The following BAX variants were observed in gnomAD, a reference collection of about 807,000 sequenced individuals.
BAX encodes the protein BCL2 associated X, apoptosis regulator, also known as apoptosis regulator BAX.
Under a neutral mutation model 26.8 loss-of-function variants are expected in BAX, and 21 were observed. That is an observed-to-expected ratio of 0.78 (90% CI 0.56 to 1.13). The LOEUF is 1.13. BAX is among the 50% of genes most tolerant of loss of function. BAX has a pLI of 0.00. For synonymous variants in BAX, 110 were observed against 101.8 expected (o/e 1.08, Z -0.49); for missense variants, 236 against 254.6 (o/e 0.93, Z 0.50).
In BAX at chr19:48,955,422, C is replaced by T. The variant is rs552422912; in HGVS notation, c.35-126C>T. The T allele has an allele frequency of 2.1e-4, 227 of 1,096,398 alleles. No homozygotes were observed. The African/African-American group carries it at 3.2e-3, about 15-fold the overall frequency. The allele number at this position is 1,096,398 out of a possible 1,614,324, so 67.9% of individuals were successfully genotyped here. On this transcript the variant is annotated intron_variant, in intron 1 of 5. Coordinates refer to ENST00000345358, the MANE Select transcript of BAX (RefSeq NM_138761.4). ...TGTCTGGGCCCCCCCGTCACTTTAT[C>T]TGCTAGGGTCCCAGAAGTCCAGGGT...
intron 4 of BAX, among the ~76,000 whole-genome samples, chr19:48,957,523 C>T (rs1985882): frequency 0.01 from 1,558 of 151,968 alleles, 24 homozygotes; most frequent in African/African-American, 0.035. Flanking sequence ...GATCCGCCCA[C>T]CTTGGCCTCC....
chr19:48,958,492 C>T (rs560044625), intron 4 of BAX, among the ~76,000 whole-genome samples: 1 of 150,626 alleles, frequency 6.6e-6, no homozygotes, highest in Non-Finnish European at 1.5e-5. Context: ...GCTGGGATTA[C>T]AGGCTCTCCC....
In BAX at chr19:48,954,915, CG is replaced by C; in HGVS notation, c.-11del. 2 of 1,226,354 alleles carry C rather than the reference CG, an allele frequency of 1.6e-6. No individual in the cohort carries two copies. The highest frequency in any genetic ancestry group is 3.2e-5 in the East Asian group (1 of 31,308). The allele number at this position is 1,226,354 out of a possible 1,614,324, so 76.0% of individuals were successfully genotyped here. ...GCGCGGACCCGGCGAGAGGCGGCGG[CG>C]GGAGCGGCGGTGATGGACGGGTCCG... On this transcript the variant is annotated 5_prime_UTR_variant, in exon 1 of 6. Coordinates refer to ENST00000345358, the MANE Select transcript of BAX (RefSeq NM_138761.4).
chr19:48,957,821 G>A (rs994771837), intron 4 of BAX, among the ~76,000 whole-genome samples: 1 of 152,160 alleles, frequency 6.6e-6, no homozygotes, highest in African/African-American at 2.4e-5. Flanking sequence ...GTCATAAGTT[G>A]GGGACTGTCT....
At chr19:48,960,005 T>A (rs867895259) in intron 4 of BAX, among the ~76,000 whole-genome samples, 51 of 24,136 alleles carry the variant, frequency 2.1e-3, no homozygotes, top group South Asian at 3.4e-3. Context: ...AAAAAAAAAA[T>A]GGAAGCAGCT....
intron 1 of BAX, 70 bp downstream of exon 1, chr19:48,955,032 C>A: frequency 8.1e-7 from 1 of 1,238,758 alleles, no homozygotes; most frequent in Admixed American, 3.8e-5. Context: ...TCCTTCCTAC[C>A]GGCCTGGGGC....
intron 4 of BAX, chr19:48,960,476 G>A (rs2038313535): frequency 2.9e-6 from 1 of 343,424 alleles, no homozygotes. Flanking sequence ...CAATTCTCCT[G>A]CCTCAGACTC....
chr19:48,960,946 A>G, intron 5 of BAX, 32 bp downstream of exon 5: 1 of 1,612,496 alleles, frequency 6.2e-7, no homozygotes, highest in Non-Finnish European at 8.5e-7. Flanking sequence ...CACCCCCACC[A>G]CCGCGCCCTC....
intron 4 of BAX, among the ~76,000 whole-genome samples, chr19:48,957,925 C>G (rs1406018499): frequency 6.6e-6 from 1 of 152,040 alleles, no homozygotes; most frequent in Admixed American, 6.6e-5. Flanking sequence ...TATGAAGATT[C>G]TCATAAGAAA....
In BAX at chr19:48,960,809, G is replaced by A. The variant is rs200010531; in HGVS notation, c.370-1G>A. The A allele has an allele frequency of 6.2e-7, 1 of 1,608,902 alleles. No individual in the cohort carries two copies. The highest frequency in any genetic ancestry group is 2.2e-5 in the East Asian group (1 of 44,736). On this transcript the variant is annotated splice_acceptor_variant, in intron 4 of 5. Coordinates refer to ENST00000345358, the MANE Select transcript of BAX (RefSeq NM_138761.4). LOFTEE classifies it high-confidence loss of function. ...CCTAACGCCCACTCCACTCCCCACA[G>A]GCCCTGTGCACCAAGGTGCCGGAAC...
At position 48,961,590 on chromosome 19, in the gene BAX, C is replaced by T. The variant is rs1600115771; in HGVS notation, c.533C>T (p.Ala178Val). The T allele has an allele frequency of 6.2e-7, 1 of 1,604,182 alleles. No homozygotes were observed. The highest frequency in any genetic ancestry group is 8.5e-7 in the Non-Finnish European group (1 of 1,175,224). The change falls in exon 6 of 6, where the codon GCG (alanine) becomes GTG (valine). Residue 178 changes from alanine (A) to valine (V), a missense_variant. By Grantham distance (64) the Ala-to-Val change is moderately conservative. Coordinates refer to ENST00000345358, the MANE Select transcript of BAX (RefSeq NM_138761.4). ...TGGCAGACCGTGACCATCTTTGTGGCGGGAGTGCTCACCGCCTCACTCACC... is the reference window on the plus strand; with the variant it reads ...TGGCAGACCGTGACCATCTTTGTGGTGGGAGTGCTCACCGCCTCACTCACC... ...PTWQTVTIFV[A>V]GVLTASLTIW...
At chr19:48,955,872 C>A in intron 3 of BAX, 39 bp downstream of exon 3, 1 of 1,545,644 alleles carries the variant, frequency 6.5e-7, no homozygotes, top group Non-Finnish European at 8.7e-7. Context: ...AGCCACTGGG[C>A]TCCTTCAGGA....
chr19:48,956,634 T>C (rs1378180753), intron 4 of BAX, among the ~76,000 whole-genome samples: 1 of 149,182 alleles, frequency 6.7e-6, no homozygotes, highest in Non-Finnish European at 1.5e-5. Flanking sequence ...TTTAGCAGAG[T>C]GGTCAGGAAA....
At chr19:48,956,146 C>T in intron 3 of BAX, 52 bp from the exon 4 acceptor site, 2 of 1,459,538 alleles carry the variant, frequency 1.4e-6, no homozygotes, top group Non-Finnish European at 1.8e-6. Context: ...GGGAATTTTC[C>T]ACCATCAGCC....
chr19:48,955,104 C>A, intron 1 of BAX, 142 bp downstream of exon 1: 2 of 1,013,290 alleles, frequency 2.0e-6, no homozygotes, highest in Non-Finnish European at 2.5e-6. Flanking sequence ...AGCCTCCAGT[C>A]CCCTCCGTCC....
intron 4 of BAX, chr19:48,960,103 G>A (rs547087088): frequency 3.3e-5 from 11 of 335,668 alleles, no homozygotes; most frequent in Non-Finnish European, 4.7e-5. Context: ...CTGTGCCTTC[G>A]GGTCTTCATC....
chr19:48,955,172 C>A, intron 1 of BAX: 1 of 586,938 alleles, frequency 1.7e-6, no homozygotes, highest in Non-Finnish European at 2.5e-6. Context: ...CTGGCGCTCT[C>A]GGACCCTCGA....
At chr19:48,961,325 G>T (rs1013897037) in intron 5 of BAX, 2 of 1,343,000 alleles carry the variant, frequency 1.5e-6, no homozygotes, top group Admixed American at 2.8e-5. Flanking sequence ...GGCCTCAAGC[G>T]ATCCTCCCGC....
intron 4 of BAX, among the ~76,000 whole-genome samples, chr19:48,958,345 ATTTTT>A (rs34043541): frequency 4.7e-5 from 3 of 64,454 alleles, no homozygotes; most frequent in African/African-American, 1.2e-4. Flanking sequence ...TTTTTGGAAG[ATTTTT>A]TTTTTTTTTT....
Sources: gnomAD v4.1 joint callset for allele counts (sites outside exome capture counted in the v4.1 genomes callset) on GRCh38, gnomAD v4.1.1 for gene constraint, MANE v1.5 for transcripts, NCBI Gene and HGNC (gene_info 2026-07-23, HGNC 2026-07-21) for gene names.